Variants in PPIP5K2 observed in about 807,000 individuals in gnomAD.
The protein encoded by PPIP5K2 is inositol hexakisphosphate and diphosphoinositol-pentakisphosphate kinase 2.
PPIP5K2 carries 105 observed loss-of-function variants against 154.6 expected under a neutral mutation model. That is an observed-to-expected ratio of 0.68 (90% CI 0.58 to 0.80). The LOEUF (loss-of-function observed/expected upper bound fraction) is 0.80. Among genes scored for constraint, PPIP5K2 ranks in the 30% least tolerant of loss-of-function variants. PPIP5K2 has a pLI of 0.00. For synonymous variants in PPIP5K2, 480 were observed against 490.3 expected, an observed-to-expected ratio of 0.98 and a Z score of 0.28; for missense variants, 992 against 1,504.6, an observed-to-expected ratio of 0.66 and a Z score of 5.64.
At chr5:103,151,113 TTTC>T in intron 8 of PPIP5K2, 137 bp from the exon 9 acceptor site, 3 of 567,538 alleles carry the variant, frequency 5.3e-6, no homozygotes, top group Non-Finnish European at 8.3e-6. Flanking sequence ...ATTTCTTTCA[TTTC>T]TTATTATGAA....
Position 103,206,877 on chromosome 5 carries a change from C to T in PPIP5K2, c.*5243C>T, listed in dbSNP as rs1803543912. ...CAAAAGGTTCCTGCCATCTTATGGA[C>T]CTCAAGGACTGCGGACAGGGAGCAG... On this transcript the variant is annotated 3_prime_UTR_variant, in exon 31 of 31. Coordinates refer to ENST00000358359, the MANE Select transcript of PPIP5K2 (RefSeq NM_001276277.3). The T allele has an allele frequency of 6.6e-6, 1 of 152,226 alleles. No individual in the cohort carries two copies. The highest frequency in any genetic ancestry group is 2.1e-4 in the South Asian group (1 of 4,818). The allele number at this position is 152,226 out of a possible 1,614,324, so 9.4% of individuals were successfully genotyped here.
intron 1 of PPIP5K2, among the ~76,000 whole-genome samples, chr5:103,124,758 A>T (rs939939147): frequency 1.3e-5 from 2 of 152,204 alleles, no homozygotes; most frequent in African/African-American, 4.8e-5. Flanking sequence ...GCAACTGGCC[A>T]GGGTATAACA....
chr5:103,182,325 T>G (rs1799674167), intron 24 of PPIP5K2, among the ~76,000 whole-genome samples: 1 of 152,212 alleles, frequency 6.6e-6, no homozygotes, highest in African/African-American at 2.4e-5. Context: ...CTTGTTAATC[T>G]TTAAAACGCA....
intron 17 of PPIP5K2, among the ~76,000 whole-genome samples, chr5:103,162,765 T>C (rs1185654210): frequency 6.6e-6 from 1 of 152,132 alleles, no homozygotes; most frequent in Non-Finnish European, 1.5e-5. Context: ...TTAAGATATC[T>C]TTTTCGGAGA....
At chr5:103,138,232 G>T in intron 4 of PPIP5K2, 152 bp from the exon 5 acceptor site, 1 of 380,766 alleles carries the variant, frequency 2.6e-6, no homozygotes. Flanking sequence ...AATATTCGAA[G>T]TGACATTTGT....
chr5:103,171,874 C>A (rs1048765671), intron 19 of PPIP5K2, among the ~76,000 whole-genome samples: 2 of 151,544 alleles, frequency 1.3e-5, no homozygotes, highest in Non-Finnish European at 3.0e-5. Flanking sequence ...TAAAGAACTT[C>A]TTTCCATGCC....
rs186609905 is a variant in PPIP5K2, at chr5:103,128,843, A to G, written c.-284-463A>G. ...TAGAATTGTTATGTTCCCTAAAAAAACTGTTTACAGACAACTTTTACAAAT... is the reference window on the plus strand; with the variant it reads ...TAGAATTGTTATGTTCCCTAAAAAAGCTGTTTACAGACAACTTTTACAAAT... On this transcript the variant is annotated intron_variant, in intron 1 of 30. Coordinates refer to ENST00000358359, the MANE Select transcript of PPIP5K2 (RefSeq NM_001276277.3). Among the ~76,000 whole-genome samples, 84 of 152,286 alleles carry G rather than the reference A, an allele frequency of 5.5e-4. No individual in the cohort carries two copies. The East Asian group carries it at 0.013, about 23-fold the overall frequency.
chr5:103,123,293 A>G (rs1554199641), intron 1 of PPIP5K2, among the ~76,000 whole-genome samples: 1 of 152,226 alleles, frequency 6.6e-6, no homozygotes, highest in African/African-American at 2.4e-5. Flanking sequence ...TTGACTAAGG[A>G]CACAGAGCTG....
rs782609075 is a variant in PPIP5K2 at position 103,148,049 on chromosome 5, T to C, written c.744+17T>C. Reference sequence around the variant, plus strand: ...GATGTTAAGGTAGGATTGATTAAAATAGATTTTAGTTTTATATTTCAAGTT... The same window carrying C: ...GATGTTAAGGTAGGATTGATTAAAACAGATTTTAGTTTTATATTTCAAGTT... On this transcript the variant is annotated intron_variant, in intron 7 of 30. Coordinates refer to ENST00000358359, the MANE Select transcript of PPIP5K2 (RefSeq NM_001276277.3). 1.3e-6 allele frequency: 2 copies of C among 1,494,878 alleles called. No homozygotes were observed. Among genetic ancestry groups the C allele is most frequent in the Admixed American group, 3.8e-5 (2 of 52,462 alleles). The allele number at this position is 1,494,878 out of a possible 1,614,324, so 92.6% of individuals were successfully genotyped here. A position where few individuals can be genotyped will look rare whatever the true frequency, so the allele number is the denominator to read the frequency against.
chr5:103,127,976 A>G (rs1162509905), intron 1 of PPIP5K2, among the ~76,000 whole-genome samples: 1 of 152,118 alleles, frequency 6.6e-6, no homozygotes, highest in Non-Finnish European at 1.5e-5. Context: ...TTTACATGTT[A>G]AACAGTACAG....
chr5:103,138,535 C>T, intron 5 of PPIP5K2, 66 bp downstream of exon 5: 1 of 946,876 alleles, frequency 1.1e-6, no homozygotes, highest in Non-Finnish European at 1.6e-6. Flanking sequence ...CACATTCTTA[C>T]AATAATTAAC....
At chr5:103,180,737 C>A (rs370128302) in intron 24 of PPIP5K2, among the ~76,000 whole-genome samples, 1 of 151,548 alleles carries the variant, frequency 6.6e-6, no homozygotes, top group African/African-American at 2.4e-5. Context: ...GTAGTCCCAG[C>A]TACTCAGGAG....
Position 103,180,097 on chromosome 5 carries a change from C to G in PPIP5K2, c.2831C>G (p.Ala944Gly), listed in dbSNP as rs17155115. 2.2e-3 allele frequency: 3,605 copies of G among 1,603,852 alleles called. 67 individuals carry two copies. In the African/African-American group the frequency reaches 0.044, roughly 20 times the overall value. The change falls in exon 24 of 31, where the codon GCT (alanine) becomes GGT (glycine). Residue 944 changes from alanine (A) to glycine (G), a missense_variant. Ala to Gly is a moderately conservative substitution (Grantham distance 60). Around this residue, in one of 9 missense-constraint regions of PPIP5K2, gnomAD observed 204 missense variants for 224.0 expected, o/e 0.91. Transcript: ENST00000358359. ...HTSKRDEVDR[A>G]VILFKPMVSE... Reference sequence around the variant, plus strand: ...TCTAAAAGAGATGAAGTTGATCGAGCTGTGATATTGTTTAAACCAATGGTA... The same window carrying G: ...TCTAAAAGAGATGAAGTTGATCGAGGTGTGATATTGTTTAAACCAATGGTA...
At position 103,168,219 on chromosome 5, in the gene PPIP5K2, A is replaced by G. The variant is rs782025807; in HGVS notation, c.2210A>G (p.Asn737Ser). ...TGTATAAAATATGATGTCCAGCATA[A>G]TGGTTCCTTGAAATTAGAAAACACA... Reference protein sequence around the residue: ...YDCIKYDVQHNGSLKLENTME... With the variant: ...YDCIKYDVQHSGSLKLENTME... The change falls in exon 19 of 31, where the codon AAT (asparagine) becomes AGT (serine). Residue 737 changes from asparagine to serine, a missense_variant. Transcript: ENST00000358359. 5 of 1,610,106 alleles carry G rather than the reference A, an allele frequency of 3.1e-6. No homozygotes were observed. Among genetic ancestry groups the G allele is most frequent in the Non-Finnish European group, 4.2e-6 (5 of 1,177,112 alleles).
chr5:103,173,165 T>A lies in PPIP5K2; in HGVS notation c.2297T>A (p.Ile766Lys). The part of the protein sequence containing the change: ...ADIVIPQEYG[I>K]TKAEKLEIAK... ...GTATTTTTTGCTCAGGAATATGGTATAACTAAAGCTGAAAAACTGGAGATT... is the reference window on the plus strand; with the variant it reads ...GTATTTTTTGCTCAGGAATATGGTAAAACTAAAGCTGAAAAACTGGAGATT... The change falls in exon 20 of 31, where the codon ATA (isoleucine) becomes AAA (lysine). Residue 766 changes from isoleucine (I) to lysine (K), a missense_variant. This residue lies in a region of PPIP5K2 where 157 missense variants were observed against 281.2 expected (regional missense o/e 0.56). Transcript: ENST00000358359. The A allele has an allele frequency of 6.2e-7, 1 of 1,602,644 alleles. No individual in the cohort carries two copies. The highest frequency in any genetic ancestry group is 8.5e-7 in the Non-Finnish European group (1 of 1,175,654).
intron 30 of PPIP5K2, among the ~76,000 whole-genome samples, chr5:103,198,912 T>G (rs1000758578): frequency 6.6e-6 from 1 of 152,112 alleles, no homozygotes; most frequent in African/African-American, 2.4e-5. Context: ...TTAAGAATTT[T>G]ATTTAACTTT....
In PPIP5K2 at chr5:103,184,697, T is replaced by C. The variant is rs1554224242; in HGVS notation, c.3122T>C (p.Leu1041Pro). The change falls in exon 26 of 31, where the codon CTG becomes CCG. Residue 1041 changes from leucine (L) to proline (P), a missense_variant. Leu to Pro is a moderately conservative substitution (Grantham distance 98). Coordinates refer to ENST00000358359, the MANE Select transcript of PPIP5K2 (RefSeq NM_001276277.3). ...GTTGTATCTGAAAATGCTAATTACC[T>C]GAGAACACCAAGAACTCTTGTGGAA... ...QQVVSENANY[L>P]RTPRTLVEQK... The C allele has an allele frequency of 1.2e-6, 2 of 1,612,722 alleles. No individual in the cohort carries two copies. The highest frequency in any genetic ancestry group is 1.1e-5 in the South Asian group (1 of 91,042).
At chr5:103,175,935 G>A (rs555801693) in intron 21 of PPIP5K2, among the ~76,000 whole-genome samples, 24 of 152,082 alleles carry the variant, frequency 1.6e-4, no homozygotes, top group African/African-American at 5.3e-4. Context: ...AAAATGTTTT[G>A]TTTTCATTAT....
intron 10 of PPIP5K2, 117 bp downstream of exon 10, chr5:103,152,866 A>G (rs1794842738): frequency 4.7e-6 from 3 of 642,948 alleles, no homozygotes; most frequent in South Asian, 4.6e-5. Flanking sequence ...ATTTCATATG[A>G]TTCAGCTTGA....
Sources: allele counts gnomAD v4.1 joint callset (sites outside exome capture counted in the v4.1 genomes callset), GRCh38; gene constraint gnomAD v4.1.1; regional missense constraint gnomAD v4.1.1; transcripts MANE v1.5; gene names NCBI Gene and HGNC (gene_info 2026-07-23, HGNC 2026-07-21).